Variants in LAMB3 observed in about 807,000 individuals in gnomAD.
LAMB3 encodes the protein laminin subunit beta 3.
A neutral mutation model predicts 140.3 loss-of-function variants in LAMB3; 104 were observed. That is an observed-to-expected ratio of 0.74 (90% CI 0.63 to 0.87). The LOEUF is 0.87. LAMB3 is among the 40% of genes least tolerant of loss of function. LAMB3 has a pLI of 0.00. For synonymous variants in LAMB3, 592 were observed against 602.9 expected, an observed-to-expected ratio of 0.98 and a Z score of 0.26; for missense variants, 1,531 against 1,575.2, an observed-to-expected ratio of 0.97 and a Z score of 0.47.
Position 209,651,027 on chromosome 1 carries a change from G to C in LAMB3, c.-37-46C>G, listed in dbSNP as rs79807991. 526 of 1,196,342 alleles carry C rather than the reference G, an allele frequency of 4.4e-4. 2 individuals carry two copies. The East Asian group carries it at 0.011, about 26-fold the overall frequency. The allele number at this position is 1,196,342 out of a possible 1,614,324, so 74.1% of individuals were successfully genotyped here. A position where few individuals can be genotyped will look rare whatever the true frequency, so the allele number is the denominator to read the frequency against. ...CTGGGTACAACAGTGCAAACCCCTA[G>C]AGCACACTAGCCCTTTTTCTTTTCT... On this transcript the variant is annotated intron_variant, in intron 1 of 22. Transcript: ENST00000356082.
chr1:209,638,121 G>A (rs1272617780), intron 4 of LAMB3, 140 bp from the exon 5 acceptor site: 5 of 742,030 alleles, frequency 6.7e-6, no homozygotes, highest in African/African-American at 1.7e-5. Flanking sequence ...GGAGAGGAGT[G>A]GGGAGTGGTA....
intron 13 of LAMB3, among the ~76,000 whole-genome samples, chr1:209,626,595 C>G (rs1409087219): frequency 1.3e-5 from 2 of 152,216 alleles, no homozygotes; most frequent in Admixed American, 6.5e-5. Flanking sequence ...GAGATGGCTT[C>G]TGGGAAATGC....
intron 18 of LAMB3, among the ~76,000 whole-genome samples, chr1:209,621,056 C>T (rs1458406174): frequency 1.3e-5 from 2 of 152,196 alleles, no homozygotes; most frequent in African/African-American, 2.4e-5. Context: ...TAAGACTTGA[C>T]CTGAGATACA....
At chr1:209,615,457 C>A (rs1192074595) in intron 22 of LAMB3, 50 bp from the exon 23 acceptor site, 2 of 1,542,870 alleles carry the variant, frequency 1.3e-6, no homozygotes, top group Admixed American at 3.6e-5. Flanking sequence ...GTGAGACTCC[C>A]CAAGACTCCC....
intron 3 of LAMB3, among the ~76,000 whole-genome samples, chr1:209,644,784 C>A (rs983900629): frequency 4.6e-5 from 7 of 152,314 alleles, no homozygotes; most frequent in African/African-American, 1.7e-4. Context: ...AGAGGGATGT[C>A]CCCTGGACCT....
chr1:209,633,031 A>T, intron 7 of LAMB3, 39 bp downstream of exon 7: 1 of 1,465,752 alleles, frequency 6.8e-7, no homozygotes, highest in Non-Finnish European at 9.6e-7. Flanking sequence ...TTCCTTTCCC[A>T]CCCATAGTTC....
intron 12 of LAMB3, 30 bp from the exon 13 acceptor site, chr1:209,627,008 C>G: frequency 6.8e-7 from 1 of 1,475,598 alleles, no homozygotes. Context: ...TCAGTGGACC[C>G]TGCCTCACAG....
chr1:209,651,882 G>A (rs1571844313), intron 1 of LAMB3, among the ~76,000 whole-genome samples: 1 of 152,082 alleles, frequency 6.6e-6, no homozygotes, highest in South Asian at 2.1e-4. Flanking sequence ...CAGGGGCGGG[G>A]GGGGAAATTG....
intron 21 of LAMB3, among the ~76,000 whole-genome samples, chr1:209,617,155 C>T (rs973046437): frequency 2.6e-5 from 4 of 152,164 alleles, no homozygotes; most frequent in South Asian, 2.1e-4. Context: ...GGCCTGTGAA[C>T]GAGTCACCAC....
Position 209,648,690 on chromosome 1 carries a change from T to A in LAMB3, c.183+1274A>T, listed in dbSNP as rs767231978. 3.9e-4 allele frequency among the ~76,000 whole-genome samples: 59 copies of A among 151,898 alleles called. 1 individual carries two copies. Among genetic ancestry groups the A allele is most frequent in the Admixed American group, 2.0e-4 (3 of 15,270 alleles). On this transcript the variant is annotated intron_variant, in intron 3 of 22. Transcript: ENST00000356082. ...AGACAGGACTGGGATCAAGGGTACA[T>A]CCCAACATAGGGGTCTCTGACCTCT...
intron 8 of LAMB3, 28 bp downstream of exon 8, chr1:209,632,555 C>T (rs755231461): frequency 3.2e-5 from 52 of 1,602,754 alleles, no homozygotes; most frequent in Non-Finnish European, 3.9e-5. Flanking sequence ...TGCCCCCTTC[C>T]TCTCCCCTTC....
intron 18 of LAMB3, chr1:209,618,945 G>A (rs769490796): frequency 1.9e-5 from 10 of 529,778 alleles, no homozygotes; most frequent in Non-Finnish European, 2.1e-5. Flanking sequence ...AGGAAGCTGC[G>A]GGCTGGGGAG....
Position 209,623,259 on chromosome 1 carries a change from A to G in LAMB3, c.2359-80T>C. On this transcript the variant is annotated intron_variant, in intron 16 of 22. Coordinates refer to ENST00000356082, the MANE Select transcript of LAMB3 (RefSeq NM_000228.3). The surrounding 1 kb of genome is among the most constrained non-coding windows in gnomAD (Gnocchi z 4.2). ...CCCACCCCACACCTGGGAAACCAAC[A>G]GCCAGACATCTCCATGACAACCAAG... The G allele has an allele frequency of 7.2e-7, 1 of 1,392,332 alleles. No homozygotes were observed. The highest frequency in any genetic ancestry group is 1.0e-6 in the Non-Finnish European group (1 of 989,868). The allele number at this position is 1,392,332 out of a possible 1,614,324, so 86.2% of individuals were successfully genotyped here.
Position 209,647,721 on chromosome 1 carries a change from A to G in LAMB3, c.183+2243T>C, listed in dbSNP as rs191982956. On this transcript the variant is annotated intron_variant, in intron 3 of 22. Transcript: ENST00000356082. ...GCTGTGGCTGTCCAGTACACCCCCT[A>G]TCTCTAACTACTCAGAAAACTCAAT... is the stretch of plus-strand genomic sequence containing the variant. Among the ~76,000 whole-genome samples the G allele has an allele frequency of 4.0e-4, 61 of 152,226 alleles. No homozygotes were observed. In the East Asian group the frequency reaches 8.1e-3, roughly 20 times the overall value.
At chr1:209,630,248 G>T (rs1666630357) in intron 9 of LAMB3, among the ~76,000 whole-genome samples, 1 of 152,068 alleles carries the variant, frequency 6.6e-6, no homozygotes, top group African/African-American at 2.4e-5. Flanking sequence ...TCTCCTCCTG[G>T]GTCACTGCCT....
chr1:209,626,528 C>T (rs1408391549), intron 13 of LAMB3, among the ~76,000 whole-genome samples: 1 of 152,248 alleles, frequency 6.6e-6, no homozygotes, highest in African/African-American at 2.4e-5. Flanking sequence ...CTTCAGGACT[C>T]ACTTCCTCCA....
Position 209,615,292 on chromosome 1 carries a change from G to A in LAMB3, c.3498C>T (p.Leu1166=), listed in dbSNP as rs765295906. ...QIRDHINGRV[L]YYATCK ...AGCATCACTTGCAGGTGGCATAGTA[G>A]AGCACGCGCCCATTGATGTGGTCAC... The change falls in exon 23 of 23, where the codon CTC becomes CTT. Residue 1166 remains leucine, a synonymous_variant. Coordinates refer to ENST00000356082, the MANE Select transcript of LAMB3 (RefSeq NM_000228.3). 4 of 1,614,056 alleles carry A rather than the reference G, an allele frequency of 2.5e-6. No individual in the cohort carries two copies. The African/African-American group carries it at 4.0e-5, about 16-fold the overall frequency.
intron 3 of LAMB3, among the ~76,000 whole-genome samples, chr1:209,639,484 C>T (rs1419835089): frequency 6.6e-6 from 1 of 152,188 alleles, no homozygotes; most frequent in Admixed American, 6.5e-5. Context: ...CTACGCTTAT[C>T]TCTTGGAATG....
intron 8 of LAMB3, among the ~76,000 whole-genome samples, chr1:209,632,048 C>T (rs763641430): frequency 2.3e-4 from 35 of 152,202 alleles, no homozygotes; most frequent in Non-Finnish European, 3.7e-4. Context: ...TAAACTGGAA[C>T]GTCTCAAACC....
Sources: gnomAD v4.1 joint callset for allele counts (sites outside exome capture counted in the v4.1 genomes callset) on GRCh38, gnomAD v4.1.1 for gene constraint, Gnocchi (gnomAD v3.1) non-coding constraint, MANE v1.5 for transcripts, NCBI Gene and HGNC (gene_info 2026-07-23, HGNC 2026-07-21) for gene names.